The following RBFOX1 variants were observed in gnomAD, a reference collection of about 807,000 sequenced individuals.
The protein encoded by RBFOX1 is RNA binding fox-1 homolog 1.
Under a neutral mutation model 57.7 loss-of-function variants are expected in RBFOX1, and 8 were observed. That is an observed-to-expected ratio of 0.14 (90% CI 0.08 to 0.25). RBFOX1 has a LOEUF of 0.25. Ranked by LOEUF, RBFOX1 falls within the 10% of genes least tolerant of loss-of-function variation. The pLI, the probability that RBFOX1 is intolerant of heterozygous loss-of-function variation, is 1.00. For synonymous variants in RBFOX1, 326 were observed against 222.4 expected, an observed-to-expected ratio of 1.47 and a Z score of -4.15; for missense variants, 611 against 548.5, an observed-to-expected ratio of 1.11 and a Z score of -1.14.
chr16:6,048,248 C>T (rs182291911), intron 1 of RBFOX1, among the ~76,000 whole-genome samples: 15 of 152,238 alleles, frequency 9.9e-5, no homozygotes, highest in Admixed American at 2.0e-4. Context: ...CTTGGCTGAG[C>T]GATAGGATTT....
At chr16:7,315,667 T>TATATATATATATATATATATATATATAA (rs1568172968) in intron 4 of RBFOX1, among the ~76,000 whole-genome samples, 1 of 143,572 alleles carries the variant, frequency 7.0e-6, no homozygotes, top group African/African-American at 2.6e-5. Context: ...TATATATATA[T>TATATATATATATATATATATATATATAA]GGAACATTAC....
chr16:6,726,295 A>G (rs1000112768), intron 3 of RBFOX1, among the ~76,000 whole-genome samples: 2 of 152,164 alleles, frequency 1.3e-5, no homozygotes, highest in Non-Finnish European at 2.9e-5. Context: ...CATTTCCATT[A>G]GGTTTTAAGT....
At chr16:6,135,421 G>T (rs1218776237) in intron 1 of RBFOX1, among the ~76,000 whole-genome samples, 2 of 152,160 alleles carry the variant, frequency 1.3e-5, no homozygotes, top group African/African-American at 4.8e-5. Flanking sequence ...CATTTAGCTT[G>T]TTTTAATGAG....
At chr16:5,283,643 G>A (rs1395475806) in intron 1 of RBFOX1, among the ~76,000 whole-genome samples, 1 of 152,204 alleles carries the variant, frequency 6.6e-6, no homozygotes, top group African/African-American at 2.4e-5. Flanking sequence ...TGCCGCACTG[G>A]ATTTTGGGCT....
At chr16:5,343,986 C>A (rs530731217) in intron 1 of RBFOX1, among the ~76,000 whole-genome samples, 1 of 152,308 alleles carries the variant, frequency 6.6e-6, no homozygotes, top group African/African-American at 2.4e-5. Flanking sequence ...ACTAGACTTT[C>A]TTTGGGTCTG....
intron 1 of RBFOX1, among the ~76,000 whole-genome samples, chr16:6,251,329 C>G (rs895056156): frequency 6.6e-6 from 1 of 152,136 alleles, no homozygotes; most frequent in South Asian, 2.1e-4. Flanking sequence ...CTGCTTGTGA[C>G]ATGGGTACCA....
chr16:6,994,997 GTT>G (rs1042333408), intron 3 of RBFOX1, among the ~76,000 whole-genome samples: 1 of 148,466 alleles, frequency 6.7e-6, no homozygotes, highest in Non-Finnish European at 1.5e-5. Context: ...TTAAAAATGT[GTT>G]TGCATACGTG....
At chr16:6,651,073 T>C (rs1464047035) in intron 2 of RBFOX1, among the ~76,000 whole-genome samples, 1 of 152,198 alleles carries the variant, frequency 6.6e-6, no homozygotes, top group Non-Finnish European at 1.5e-5. Flanking sequence ...CAGCTAATTC[T>C]GTATGTTTAG....
chr16:5,385,260 T>C (rs1326487243), intron 1 of RBFOX1, among the ~76,000 whole-genome samples: 1 of 152,256 alleles, frequency 6.6e-6, no homozygotes, highest in East Asian at 1.9e-4. Context: ...TCAATCCAGA[T>C]GTGAAGCTAC....
chr16:5,343,495 G>A (rs1393892787), intron 1 of RBFOX1, among the ~76,000 whole-genome samples: 1 of 146,638 alleles, frequency 6.8e-6, no homozygotes, highest in South Asian at 2.2e-4. Context: ...TTTTTTTTGT[G>A]TATTTTTAGT....
intron 10 of RBFOX1, among the ~76,000 whole-genome samples, chr16:7,627,187 CA>C (rs139069709): frequency 0.031 from 2,565 of 82,700 alleles, 21 homozygotes; most frequent in Middle Eastern, 0.05. Flanking sequence ...TTCTATTTGA[CA>C]AAAAAAAAAA....
At chr16:6,747,654 C>T (rs776878338) in intron 3 of RBFOX1, among the ~76,000 whole-genome samples, 1 of 152,098 alleles carries the variant, frequency 6.6e-6, no homozygotes, top group South Asian at 2.1e-4. Flanking sequence ...AAGTTGCTAT[C>T]CCACACCACC....
At chr16:5,605,404 T>G (rs1049554084) in intron 3 of RBFOX1, among the ~76,000 whole-genome samples, 1 of 152,188 alleles carries the variant, frequency 6.6e-6, no homozygotes, top group African/African-American at 2.4e-5. Context: ...TTAGACCCAG[T>G]CCCAGGTCAA....
chr16:6,990,507 A>G (rs570330198), intron 3 of RBFOX1, among the ~76,000 whole-genome samples: 3 of 152,254 alleles, frequency 2.0e-5, no homozygotes, highest in African/African-American at 7.2e-5. Context: ...CCTGGGCAAC[A>G]AGAAAGAAAC....
chr16:6,520,570 C>A (rs915963477), intron 2 of RBFOX1, among the ~76,000 whole-genome samples: 3 of 152,036 alleles, frequency 2.0e-5, no homozygotes, highest in African/African-American at 7.3e-5. Context: ...TTGGTTCTAA[C>A]TTGTGAAAAA....
At chr16:7,325,858 T>C (rs8045235) in intron 4 of RBFOX1, among the ~76,000 whole-genome samples, 4,695 of 152,282 alleles carry the variant, frequency 0.031, 205 homozygotes, top group African/African-American at 0.098. Context: ...AGGGAATTTT[T>C]CTTGCGGTCC....
chr16:6,219,859 A>G (rs756371852), intron 1 of RBFOX1, among the ~76,000 whole-genome samples: 1 of 152,132 alleles, frequency 6.6e-6, no homozygotes, highest in Non-Finnish European at 1.5e-5. Flanking sequence ...TTGGGCAACA[A>G]GAGCAAAACT....
intron 2 of RBFOX1, among the ~76,000 whole-genome samples, chr16:6,595,233 G>C (rs1484839629): frequency 6.6e-6 from 1 of 152,146 alleles, no homozygotes; most frequent in African/African-American, 2.4e-5. Flanking sequence ...CCACCCTGTA[G>C]CCCTACACAG....
intron 4 of RBFOX1, among the ~76,000 whole-genome samples, chr16:5,937,148 C>T (rs748893316): frequency 1.3e-5 from 2 of 152,142 alleles, no homozygotes; most frequent in Admixed American, 6.5e-5. Context: ...ATGTGCTAAT[C>T]CTGCTTTTTG....
Sources: gnomAD v4.1 joint callset for allele counts (sites outside exome capture counted in the v4.1 genomes callset) on GRCh38, gnomAD v4.1.1 for gene constraint, MANE v1.5 for transcripts, NCBI Gene and HGNC (gene_info 2026-07-23, HGNC 2026-07-21) for gene names.